The following NRG3 variants were observed in gnomAD, a reference collection of about 807,000 sequenced individuals.
The protein encoded by NRG3 is neuregulin 3.
In NRG3, 31 loss-of-function variants were observed where a neutral mutation model predicts 66.9. The observed-to-expected ratio is 0.46, with a 90% CI of 0.35 to 0.63. The LOEUF is 0.63. Among genes scored for constraint, NRG3 ranks in the 20% least tolerant of loss-of-function variants. NRG3 has a pLI of 0.00. For missense variants in NRG3, 910 were observed against 878.9 expected, an observed-to-expected ratio of 1.04 and a Z score of -0.45; for synonymous variants, 393 against 359.4, an observed-to-expected ratio of 1.09 and a Z score of -1.06.
At chr10:82,843,347 C>T (rs1012571925) in intron 3 of NRG3, 10 of 395,164 alleles carry the variant, frequency 2.5e-5, no homozygotes, top group Non-Finnish European at 4.7e-5. Flanking sequence ...CCTCTCTGCC[C>T]TTCCTTCCAT....
intron 3 of NRG3, among the ~76,000 whole-genome samples, chr10:82,777,402 A>G (rs956807379): frequency 6.6e-6 from 1 of 152,082 alleles, no homozygotes; most frequent in African/African-American, 2.4e-5. Context: ...GTACTACAAG[A>G]CACAGGTACT....
At chr10:82,193,794 C>T (rs760383984) in intron 1 of NRG3, among the ~76,000 whole-genome samples, 27 of 152,166 alleles carry the variant, frequency 1.8e-4, no homozygotes, top group Non-Finnish European at 2.6e-4. Flanking sequence ...TGCCATTAGA[C>T]ATCCAGGTAA....
At chr10:82,220,113 G>T (rs1400378709) in intron 1 of NRG3, among the ~76,000 whole-genome samples, 1 of 151,922 alleles carries the variant, frequency 6.6e-6, no homozygotes, top group Non-Finnish European at 1.5e-5. Flanking sequence ...TAATCATTTT[G>T]CTGTCAAGAT....
chr10:81,876,979 G>A (rs1200473845), intron 1 of NRG3, among the ~76,000 whole-genome samples: 16 of 152,116 alleles, frequency 1.1e-4, no homozygotes, highest in African/African-American at 3.9e-4. Context: ...TCCCAAAGGT[G>A]GGGTGTGAAC....
intron 2 of NRG3, among the ~76,000 whole-genome samples, chr10:82,494,614 GA>G (rs1030007467): frequency 1.3e-5 from 2 of 151,972 alleles, no homozygotes; most frequent in African/African-American, 4.8e-5. Flanking sequence ...TGTATTACAA[GA>G]AAAAAATTAA....
rs991275094 is a variant in NRG3 at position 82,966,648 on chromosome 10, G to A, written c.1285-7140G>A. Among the ~76,000 whole-genome samples the A allele has an allele frequency of 5.3e-5, 8 of 152,118 alleles. No individual in the cohort carries two copies. In the East Asian group the frequency reaches 1.2e-3, roughly 22 times the overall value. Reference sequence around the variant, plus strand: ...CCACTCTTAAGGAGTGGGGAGTTACGGTCTTCTTTCCTTATGGTTAAGTAT... The same window carrying A: ...CCACTCTTAAGGAGTGGGGAGTTACAGTCTTCTTTCCTTATGGTTAAGTAT... On this transcript the variant is annotated intron_variant, in intron 6 of 8. Coordinates refer to ENST00000372141, the MANE Select transcript of NRG3 (RefSeq NM_001010848.4).
At chr10:81,946,535 A>T (rs1326213603) in intron 1 of NRG3, among the ~76,000 whole-genome samples, 1 of 152,154 alleles carries the variant, frequency 6.6e-6, no homozygotes, top group Non-Finnish European at 1.5e-5. Flanking sequence ...GTATTTCTGC[A>T]GGGAAGGAAG....
chr10:82,029,347 C>A (rs2132859524), intron 1 of NRG3, among the ~76,000 whole-genome samples: 1 of 152,092 alleles, frequency 6.6e-6, no homozygotes, highest in South Asian at 2.1e-4. Flanking sequence ...TGCCAGTTTC[C>A]CAAAGTGAAT....
chr10:82,191,089 C>T (rs1388981547), intron 1 of NRG3, among the ~76,000 whole-genome samples: 1 of 152,024 alleles, frequency 6.6e-6, no homozygotes, highest in Non-Finnish European at 1.5e-5. Flanking sequence ...TTGGTTAAAG[C>T]AGGATGAGCT....
intron 3 of NRG3, among the ~76,000 whole-genome samples, chr10:82,759,794 T>A (rs1310865138): frequency 2.0e-5 from 3 of 152,144 alleles, no homozygotes; most frequent in African/African-American, 7.2e-5. Context: ...ATCCTCTCAA[T>A]ACATCCTTAT....
intron 1 of NRG3, among the ~76,000 whole-genome samples, chr10:81,919,774 A>T (rs1295469781): frequency 2.0e-5 from 3 of 152,116 alleles, no homozygotes; most frequent in Admixed American, 2.0e-4. Flanking sequence ...ACACCCATGA[A>T]TGTCCAGAGG....
intron 2 of NRG3, among the ~76,000 whole-genome samples, chr10:82,642,247 G>C (rs2050632735): frequency 6.8e-6 from 1 of 146,654 alleles, no homozygotes; most frequent in Non-Finnish European, 1.5e-5. Flanking sequence ...CTATCAACAA[G>C]TAACCAAATA....
chr10:82,555,151 G>A (rs887479064), intron 2 of NRG3, among the ~76,000 whole-genome samples: 19 of 152,150 alleles, frequency 1.2e-4, no homozygotes, highest in Admixed American at 1.2e-3. Context: ...TTACTCATGA[G>A]AACAAAGATC....
At chr10:82,185,721 GTCTCATTAC>G (rs1024021534) in intron 1 of NRG3, among the ~76,000 whole-genome samples, 17 of 152,306 alleles carry the variant, frequency 1.1e-4, no homozygotes, top group Admixed American at 3.9e-4. Context: ...CAAGCTGGTT[GTCTCATTAC>G]TGAACATTAC....
intron 2 of NRG3, among the ~76,000 whole-genome samples, chr10:82,491,292 A>AT (rs1396541264): frequency 3.0e-5 from 4 of 131,632 alleles, no homozygotes; most frequent in Admixed American, 7.8e-5. Flanking sequence ...TGTTCCCATA[A>AT]AATATATATA....
intron 1 of NRG3, among the ~76,000 whole-genome samples, chr10:81,958,278 C>T (rs1850028463): frequency 6.6e-6 from 1 of 152,088 alleles, no homozygotes; most frequent in South Asian, 2.1e-4. Context: ...ATTCAGATCT[C>T]CAGGAAGCAA....
At chr10:82,677,076 TA>T (rs2053754297) in intron 2 of NRG3, among the ~76,000 whole-genome samples, 1 of 150,886 alleles carries the variant, frequency 6.6e-6, no homozygotes, top group African/African-American at 2.4e-5. Flanking sequence ...TTTTTTTTTT[TA>T]AAAGCAGGGT....
intron 1 of NRG3, among the ~76,000 whole-genome samples, chr10:82,152,425 A>T (rs2132809197): frequency 6.6e-6 from 1 of 152,286 alleles, no homozygotes; most frequent in Admixed American, 6.5e-5. Flanking sequence ...AGAGAAGTTA[A>T]GTACGTTTGG....
intron 1 of NRG3, among the ~76,000 whole-genome samples, chr10:81,891,059 T>C (rs1842967272): frequency 6.6e-6 from 1 of 152,240 alleles, no homozygotes; most frequent in Non-Finnish European, 1.5e-5. Flanking sequence ...GTACTCTTGC[T>C]GATCCATTAA....
Sources: gnomAD v4.1 joint callset for allele counts (sites outside exome capture counted in the v4.1 genomes callset) on GRCh38, gnomAD v4.1.1 for gene constraint, MANE v1.5 for transcripts, NCBI Gene and HGNC (gene_info 2026-07-23, HGNC 2026-07-21) for gene names.